Variants in MECOM observed in about 807,000 individuals in gnomAD.
MECOM encodes the protein histone-lysine N-methyltransferase MECOM.
MECOM carries 13 observed loss-of-function variants against 116.3 expected under a neutral mutation model. That is an observed-to-expected ratio of 0.11 (90% CI 0.07 to 0.18). The LOEUF (loss-of-function observed/expected upper bound fraction) is 0.18. Ranked by LOEUF, MECOM falls within the 10% of genes least tolerant of loss-of-function variation. The pLI, the probability that MECOM is intolerant of heterozygous loss-of-function variation, is 1.00. For synonymous variants in MECOM, 528 were observed against 535.2 expected (o/e 0.99, Z 0.19); for missense variants, 1,299 against 1,509.0 (o/e 0.86, Z 2.31).
At chr3:169,256,010 C>CA (rs561507212) in intron 2 of MECOM, among the ~76,000 whole-genome samples, 8 of 151,806 alleles carry the variant, frequency 5.3e-5, no homozygotes, top group African/African-American at 1.9e-4. Flanking sequence ...TAAGTGTTCT[C>CA]AAAAAAAATT....
At chr3:169,576,554 C>T (rs1409670992) in intron 1 of MECOM, among the ~76,000 whole-genome samples, 1 of 152,128 alleles carries the variant, frequency 6.6e-6, no homozygotes, top group Non-Finnish European at 1.5e-5. Context: ...CAACATTCTG[C>T]AACAATGAAT....
chr3:169,379,620 T>C lies in MECOM; in HGVS notation c.375+1567A>G, dbSNP rs1577922242. ...TCCACCAATCCATAGGTATTATGTT[T>C]AAAACGGCACAGTCCTGCATTTACC... On this transcript the variant is annotated intron_variant, in intron 2 of 16. Transcript: ENST00000651503. Among the ~76,000 whole-genome samples the C allele has an allele frequency of 3.3e-5, 5 of 152,266 alleles. No individual in the cohort carries two copies. In the South Asian group the frequency reaches 1.0e-3, roughly 32 times the overall value.
chr3:169,105,345 T>G (rs1409920248), intron 10 of MECOM, among the ~76,000 whole-genome samples: 1 of 152,172 alleles, frequency 6.6e-6, no homozygotes, highest in African/African-American at 2.4e-5. Context: ...ACACGAACTC[T>G]ATTGAGTGCA....
intron 12 of MECOM, 35 bp from the exon 13 acceptor site, chr3:169,095,280 A>C (rs745390955): frequency 6.3e-7 from 1 of 1,580,508 alleles, no homozygotes; most frequent in East Asian, 2.3e-5. Context: ...ATTAGCAAGC[A>C]CATTAAAAGG....
intron 2 of MECOM, among the ~76,000 whole-genome samples, chr3:169,240,791 G>A (rs937856290): frequency 6.6e-6 from 1 of 152,150 alleles, no homozygotes; most frequent in African/African-American, 2.4e-5. Context: ...CTAATTATGA[G>A]GAGAGATTTT....
intron 1 of MECOM, among the ~76,000 whole-genome samples, chr3:169,516,253 G>T (rs1756606764): frequency 6.6e-6 from 1 of 152,062 alleles, no homozygotes; most frequent in African/African-American, 2.4e-5. Context: ...GTAAGATATT[G>T]GATAATGTTT....
At chr3:169,127,265 A>G (rs1733176812) in intron 5 of MECOM, among the ~76,000 whole-genome samples, 1 of 152,146 alleles carries the variant, frequency 6.6e-6, no homozygotes, top group South Asian at 2.1e-4. Context: ...TATTGTGTTA[A>G]AAATAAGTGT....
rs182248427 is a variant in MECOM at position 169,543,036 on chromosome 3, A to G, written c.37+120300T>C. Among the ~76,000 whole-genome samples the G allele has an allele frequency of 2.1e-3, 313 of 152,358 alleles. 5 individuals carry two copies. The South Asian group carries it at 0.036, about 18-fold the overall frequency. The stretch of plus-strand genomic sequence containing the variant: ...TTTGAAATTGGGATCATTCTCAACC[A>G]TAGTTCAACTTGAGAAAACAACTAG... On this transcript the variant is annotated intron_variant, in intron 1 of 16. Coordinates refer to ENST00000651503, the MANE Select transcript of MECOM (RefSeq NM_004991.4).
intron 2 of MECOM, among the ~76,000 whole-genome samples, chr3:169,354,524 T>C (rs1033825744): frequency 4.6e-5 from 7 of 151,980 alleles, no homozygotes; most frequent in Non-Finnish European, 1.5e-5. Flanking sequence ...TTTCTCTTTT[T>C]AAGTTTAGTT....
rs535636987 is a variant in MECOM, at chr3:169,612,082, A to G, written c.37+51254T>C. 7.9e-5 allele frequency among the ~76,000 whole-genome samples: 12 copies of G among 152,302 alleles called. No individual in the cohort carries two copies. The South Asian group carries it at 1.4e-3, about 18-fold the overall frequency. ...AGTTATGACAACCAAAAATTTCTCC[A>G]GATATTACTAAATGTCCCCTGGGAA... On this transcript the variant is annotated intron_variant, in intron 1 of 16. Coordinates refer to ENST00000651503, the MANE Select transcript of MECOM (RefSeq NM_004991.4).
chr3:169,235,166 T>C (rs914493033), intron 2 of MECOM, among the ~76,000 whole-genome samples: 1 of 152,222 alleles, frequency 6.6e-6, no homozygotes, highest in African/African-American at 2.4e-5. Context: ...TGACTTCTAT[T>C]ATCATCAATG....
At chr3:169,278,769 C>G (rs1028575363) in intron 2 of MECOM, among the ~76,000 whole-genome samples, 2 of 152,210 alleles carry the variant, frequency 1.3e-5, no homozygotes, top group Non-Finnish European at 2.9e-5. Context: ...ATGAAGGTTC[C>G]TGATGCATGA....
At chr3:169,147,635 C>A (rs1227499256) in intron 2 of MECOM, 2 of 985,444 alleles carry the variant, frequency 2.0e-6, no homozygotes, top group Admixed American at 6.2e-5. Flanking sequence ...GGGTAAACAA[C>A]CAATGGGGAG....
chr3:169,149,935 C>CTGTGTGTGTGTGTGTGTGTG (rs58944452), intron 2 of MECOM, among the ~76,000 whole-genome samples: 1 of 131,240 alleles, frequency 7.6e-6, no homozygotes, highest in Non-Finnish European at 1.6e-5. Flanking sequence ...TTCTCTCTCT[C>CTGTGTGTGTGTGTGTGTGTG]TGTGTGTGTG....
chr3:169,604,131 T>G (rs1401141163), intron 1 of MECOM, among the ~76,000 whole-genome samples: 1 of 152,174 alleles, frequency 6.6e-6, no homozygotes, highest in East Asian at 1.9e-4. Flanking sequence ...AAAGTATTAA[T>G]GAGTATTTGT....
At chr3:169,313,520 A>C (rs932606761) in intron 2 of MECOM, among the ~76,000 whole-genome samples, 1 of 152,198 alleles carries the variant, frequency 6.6e-6, no homozygotes, top group African/African-American at 2.4e-5. Context: ...TCCCATGTAC[A>C]TGGAAGGAAA....
At chr3:169,475,755 G>A (rs1241174252) in intron 1 of MECOM, among the ~76,000 whole-genome samples, 3 of 152,072 alleles carry the variant, frequency 2.0e-5, no homozygotes, top group Non-Finnish European at 4.4e-5. Context: ...AAAAAAGGGG[G>A]AGGAGGAGGG....
chr3:169,258,948 T>C (rs1156415332), intron 2 of MECOM, among the ~76,000 whole-genome samples: 3 of 152,228 alleles, frequency 2.0e-5, no homozygotes, highest in African/African-American at 7.2e-5. Flanking sequence ...ATTTCTGTTT[T>C]ACAGATGAGA....
intron 2 of MECOM, among the ~76,000 whole-genome samples, chr3:169,163,413 C>A (rs1743130912): frequency 6.6e-6 from 1 of 152,022 alleles, no homozygotes; most frequent in Non-Finnish European, 1.5e-5. Flanking sequence ...GACCAATTAG[C>A]AAGTCATTGA....
Sources: allele counts gnomAD v4.1 joint callset (sites outside exome capture counted in the v4.1 genomes callset), GRCh38; gene constraint gnomAD v4.1.1; transcripts MANE v1.5; gene names NCBI Gene and HGNC (gene_info 2026-07-23, HGNC 2026-07-21).